The following SLC24A3 variants were observed in gnomAD, a reference collection of about 807,000 sequenced individuals.
The protein encoded by SLC24A3 is sodium/potassium/calcium exchanger 3.
A neutral mutation model predicts 75.8 loss-of-function variants in SLC24A3; 28 were observed. The observed-to-expected ratio is 0.37, with a 90% CI of 0.27 to 0.51. SLC24A3 has a LOEUF of 0.51. Ranked by LOEUF, SLC24A3 falls within the 20% of genes least tolerant of loss-of-function variation. The pLI is 0.94. For missense variants in SLC24A3, 663 were observed against 847.8 expected (o/e 0.78, Z 2.71); for synonymous variants, 372 against 334.1 (o/e 1.11, Z -1.24).
chr20:19,256,951 A>G (rs1982834320), intron 1 of SLC24A3, among the ~76,000 whole-genome samples: 1 of 152,164 alleles, frequency 6.6e-6, no homozygotes, highest in African/African-American at 2.4e-5. Flanking sequence ...TATGTCTGCT[A>G]GAAAATCTGG....
rs576425039 is a variant in SLC24A3, at chr20:19,317,687, G to T, written c.271+36600G>T. Reference sequence around the variant, plus strand: ...ACAGGTACACTCATCTTTGGGGAGGGTTCTCTTTTGTTCTCCCCTTCACCA... The same window carrying T: ...ACAGGTACACTCATCTTTGGGGAGGTTTCTCTTTTGTTCTCCCCTTCACCA... On this transcript the variant is annotated intron_variant, in intron 2 of 16. Coordinates refer to ENST00000328041, the MANE Select transcript of SLC24A3 (RefSeq NM_020689.4). 8.7e-4 allele frequency among the ~76,000 whole-genome samples: 133 copies of T among 152,252 alleles called. 1 individual carries two copies. Among genetic ancestry groups the T allele is most frequent in the African/African-American group, 3.1e-3 (128 of 41,554 alleles).
chr20:19,275,389 A>G (rs1438767491), intron 1 of SLC24A3, among the ~76,000 whole-genome samples: 1 of 152,176 alleles, frequency 6.6e-6, no homozygotes. Flanking sequence ...TGATGCAGCA[A>G]ACTTCCTCAT....
intron 2 of SLC24A3, among the ~76,000 whole-genome samples, chr20:19,415,436 C>T (rs1224908924): frequency 6.6e-6 from 1 of 152,126 alleles, no homozygotes; most frequent in African/African-American, 2.4e-5. Context: ...TCCACTCTCC[C>T]GCATGTCTAT....
At chr20:19,409,915 G>C (rs1986714640) in intron 2 of SLC24A3, among the ~76,000 whole-genome samples, 1 of 151,702 alleles carries the variant, frequency 6.6e-6, no homozygotes, top group Admixed American at 6.6e-5. Context: ...GTTATTAGTG[G>C]AAGTCTTTGG....
chr20:19,618,421 C>G (rs1339893865), intron 6 of SLC24A3, among the ~76,000 whole-genome samples: 1 of 152,212 alleles, frequency 6.6e-6, no homozygotes, highest in African/African-American at 2.4e-5. Context: ...GCTCTTCCCT[C>G]TGTGCATGTA....
intron 2 of SLC24A3, among the ~76,000 whole-genome samples, chr20:19,484,271 C>A (rs1988098154): frequency 3.9e-5 from 6 of 152,134 alleles, no homozygotes; most frequent in Admixed American, 3.3e-4. Flanking sequence ...GTTTTATATG[C>A]ACCTTATACA....
chr20:19,558,112 A>G (rs2030819030), intron 3 of SLC24A3, among the ~76,000 whole-genome samples: 1 of 152,188 alleles, frequency 6.6e-6, no homozygotes, highest in Non-Finnish European at 1.5e-5. Context: ...TCCTCATTTC[A>G]GGGCCCTTGA....
chr20:19,553,596 C>G (rs1221199737), intron 3 of SLC24A3, among the ~76,000 whole-genome samples: 1 of 152,132 alleles, frequency 6.6e-6, no homozygotes, highest in South Asian at 2.1e-4. Context: ...TAAATAATAA[C>G]AGAATGACTG....
chr20:19,402,562 G>C (rs1986571109), intron 2 of SLC24A3, among the ~76,000 whole-genome samples: 1 of 152,186 alleles, frequency 6.6e-6, no homozygotes, highest in South Asian at 2.1e-4. Flanking sequence ...ATTGAAAGAA[G>C]TTGTTGCCAG....
intron 2 of SLC24A3, among the ~76,000 whole-genome samples, chr20:19,330,618 G>C (rs954262785): frequency 6.6e-6 from 1 of 152,212 alleles, no homozygotes; most frequent in Non-Finnish European, 1.5e-5. Flanking sequence ...CTTGCTTTCA[G>C]TAGAACACTG....
At chr20:19,667,316 T>C (rs1485543088) in intron 8 of SLC24A3, among the ~76,000 whole-genome samples, 1 of 152,160 alleles carries the variant, frequency 6.6e-6, no homozygotes, top group Non-Finnish European at 1.5e-5. Context: ...CTGAAAGGAA[T>C]TGACATGCCC....
At chr20:19,335,638 A>G (rs1206467566) in intron 2 of SLC24A3, among the ~76,000 whole-genome samples, 4 of 152,182 alleles carry the variant, frequency 2.6e-5, no homozygotes, top group African/African-American at 9.7e-5. Flanking sequence ...AATTTTGCCT[A>G]GTCCTTTCCA....
At chr20:19,463,667 G>A (rs1373241573) in intron 2 of SLC24A3, among the ~76,000 whole-genome samples, 2 of 15,672 alleles carry the variant, frequency 1.3e-4, no homozygotes, top group Admixed American at 8.7e-4. Context: ...TGACTGAAGA[G>A]CACAGGATGT....
rs532769240 is a variant in SLC24A3, at chr20:19,291,906, G to A, written c.271+10819G>A. On this transcript the variant is annotated intron_variant, in intron 2 of 16. Transcript: ENST00000328041. Reference sequence around the variant, plus strand: ...AGGACTGGGTCCAAAGAGCAGGCTGGACTCAGTGAAGCTTCTGTGACCTCA... The same window carrying A: ...AGGACTGGGTCCAAAGAGCAGGCTGAACTCAGTGAAGCTTCTGTGACCTCA... Among the ~76,000 whole-genome samples, 10 of 152,344 alleles carry A rather than the reference G, an allele frequency of 6.6e-5. No individual in the cohort carries two copies. The South Asian group carries it at 2.1e-3, about 32-fold the overall frequency.
At chr20:19,638,046 C>A (rs1202840450) in intron 6 of SLC24A3, among the ~76,000 whole-genome samples, 1 of 152,050 alleles carries the variant, frequency 6.6e-6, no homozygotes, top group African/African-American at 2.4e-5. Flanking sequence ...CATCTATAGA[C>A]CCATCCTCTA....
intron 6 of SLC24A3, among the ~76,000 whole-genome samples, chr20:19,632,347 A>C (rs1025195830): frequency 1.4e-4 from 22 of 152,112 alleles, no homozygotes; most frequent in African/African-American, 4.8e-4. Context: ...GTAGGAATGT[A>C]TTCCTTCTGG....
intron 2 of SLC24A3, among the ~76,000 whole-genome samples, chr20:19,435,110 C>G (rs1987175739): frequency 6.6e-6 from 1 of 152,240 alleles, no homozygotes; most frequent in Non-Finnish European, 1.5e-5. Context: ...AAATGCTGCC[C>G]TCTCTATTTT....
intron 2 of SLC24A3, among the ~76,000 whole-genome samples, chr20:19,505,214 C>T (rs952915243): frequency 6.6e-6 from 1 of 152,248 alleles, no homozygotes; most frequent in African/African-American, 2.4e-5. Context: ...AACCAAGGGG[C>T]TTCTCATGAT....
intron 2 of SLC24A3, among the ~76,000 whole-genome samples, chr20:19,301,800 C>T (rs541347501): frequency 1.3e-5 from 2 of 152,184 alleles, no homozygotes; most frequent in African/African-American, 4.8e-5. Context: ...ATCTCCTCTT[C>T]AGCTCTTAAA....
Sources: allele counts gnomAD v4.1 joint callset (sites outside exome capture counted in the v4.1 genomes callset), GRCh38; gene constraint gnomAD v4.1.1; transcripts MANE v1.5; gene names NCBI Gene and HGNC (gene_info 2026-07-23, HGNC 2026-07-21).